LPXN: variants seen among roughly 807,000 people sequenced by gnomAD.
LPXN encodes the protein leupaxin.
Under a neutral mutation model 45.6 loss-of-function variants are expected in LPXN, and 28 were observed. The observed-to-expected ratio is 0.61, with a 90% CI of 0.45 to 0.84. The LOEUF (loss-of-function observed/expected upper bound fraction) is 0.84, where lower values mean the gene tolerates loss of function less well. Ranked by LOEUF, LPXN falls within the 40% of genes least tolerant of loss-of-function variation. The pLI is 0.00. For missense variants in LPXN, 459 were observed against 475.0 expected, an observed-to-expected ratio of 0.97 and a Z score of 0.31; for synonymous variants, 166 against 169.9, an observed-to-expected ratio of 0.98 and a Z score of 0.18.
intron 7 of LPXN, among the ~76,000 whole-genome samples, chr11:58,549,580 AT>A (rs1428301322): frequency 9.8e-5 from 15 of 152,304 alleles, no homozygotes; most frequent in Middle Eastern, 3.4e-3. Flanking sequence ...TAAACTATGC[AT>A]TTGTATTTCT....
upstream of LPXN, among the ~76,000 whole-genome samples, chr11:58,576,764 A>G (rs73470723): frequency 0.015 from 2,256 of 152,220 alleles, 70 homozygotes; most frequent in African/African-American, 0.051. Context: ...TCTTTCCTCT[A>G]CAACACCGTA....
chr11:58,563,892 G>T (rs1396757835), intron 3 of LPXN, among the ~76,000 whole-genome samples: 1 of 152,150 alleles, frequency 6.6e-6, no homozygotes, highest in African/African-American at 2.4e-5. Context: ...TGGTAACTCT[G>T]GGAGTATTTA....
intron 2 of LPXN, among the ~76,000 whole-genome samples, chr11:58,565,517 G>A (rs1006873681): frequency 9.3e-5 from 14 of 149,990 alleles, no homozygotes; most frequent in African/African-American, 1.5e-4. Flanking sequence ...CTGGGTGACA[G>A]AGCGAGACTC....
intron 7 of LPXN, among the ~76,000 whole-genome samples, chr11:58,528,711 C>A (rs1360092265): frequency 6.6e-6 from 1 of 152,004 alleles, no homozygotes; most frequent in Non-Finnish European, 1.5e-5. Flanking sequence ...AAAACAGCAT[C>A]TGGGAAGAAA....
At chr11:58,536,325 G>T (rs979642544) in intron 7 of LPXN, among the ~76,000 whole-genome samples, 3 of 151,986 alleles carry the variant, frequency 2.0e-5, no homozygotes, top group African/African-American at 7.3e-5. Context: ...TAGATCAATG[G>T]ACAGAACAAA....
In LPXN at chr11:58,543,242, C is replaced by T. The variant is rs186654949; in HGVS notation, c.742+6544G>A. The stretch of plus-strand genomic sequence containing the variant: ...TATATCCCTAGTACTTTGAATAATG[C>T]TTGACACATATATAGTAGTTGCTCA... On this transcript the variant is annotated intron_variant, in intron 7 of 8. Coordinates refer to ENST00000395074, the MANE Select transcript of LPXN (RefSeq NM_004811.3). Among the ~76,000 whole-genome samples, 14 of 152,278 alleles carry T rather than the reference C, an allele frequency of 9.2e-5. No homozygotes were observed. The East Asian group carries it at 2.5e-3, about 27-fold the overall frequency.
intron 7 of LPXN, among the ~76,000 whole-genome samples, chr11:58,532,741 T>C (rs1219986825): frequency 6.6e-6 from 1 of 152,136 alleles, no homozygotes; most frequent in African/African-American, 2.4e-5. Context: ...ATGCACCAAT[T>C]AGCAAGATGT....
chr11:58,548,646 C>A (rs1853945835), intron 7 of LPXN, among the ~76,000 whole-genome samples: 1 of 152,184 alleles, frequency 6.6e-6, no homozygotes, highest in Non-Finnish European at 1.5e-5. Context: ...ATTAACACTA[C>A]TATACCTCCA....
rs561828634 is a variant in LPXN at position 58,551,982 on chromosome 11, T to G, written c.319-750A>C. ...GGGGCTAGAGCAGAGGGAGTGAGAT[T>G]GAACACGGCAGGAGAAGGTGATGGA... On this transcript the variant is annotated intron_variant, in intron 4 of 8. Coordinates refer to ENST00000395074, the MANE Select transcript of LPXN (RefSeq NM_004811.3). 4.6e-5 allele frequency among the ~76,000 whole-genome samples: 7 copies of G among 152,272 alleles called. 1 individual carries two copies. The South Asian group carries it at 1.2e-3, about 27-fold the overall frequency.
At position 58,560,948 on chromosome 11, in the gene LPXN, A is replaced by G. The variant is rs1300554427; in HGVS notation, c.218+3207T>C. ...TCATTATTATAATCAATACTGCCAA[A>G]CAAATATTTGCACCCATGTTTGATC... On this transcript the variant is annotated intron_variant, in intron 3 of 8. Transcript: ENST00000395074. Among the ~76,000 whole-genome samples the G allele has an allele frequency of 3.3e-5, 5 of 152,322 alleles. No homozygotes were observed. The East Asian group carries it at 9.6e-4, about 29-fold the overall frequency.
At chr11:58,553,321 G>A (rs1208101842) in intron 4 of LPXN, among the ~76,000 whole-genome samples, 3 of 116,878 alleles carry the variant, frequency 2.6e-5, no homozygotes, top group Non-Finnish European at 5.0e-5. Flanking sequence ...GGGTAACCGA[G>A]TAAGAATCTG....
At chr11:58,538,042 G>A (rs1007150729) in intron 7 of LPXN, among the ~76,000 whole-genome samples, 4 of 151,144 alleles carry the variant, frequency 2.6e-5, no homozygotes, top group East Asian at 3.9e-4. Context: ...TTGTCCTTGC[G>A]ATAGTTTACT....
chr11:58,547,642 T>C (rs1227719146), intron 7 of LPXN, among the ~76,000 whole-genome samples: 1 of 152,180 alleles, frequency 6.6e-6, no homozygotes, highest in Non-Finnish European at 1.5e-5. Context: ...GCCATACCCC[T>C]GTCCTCGCCT....
At chr11:58,564,565 A>G (rs1343573096) in intron 2 of LPXN, among the ~76,000 whole-genome samples, 2 of 152,232 alleles carry the variant, frequency 1.3e-5, no homozygotes, top group Non-Finnish European at 2.9e-5. Flanking sequence ...TAATGTTATT[A>G]AACTTGACAT....
intron 2 of LPXN, 68 bp downstream of exon 2, chr11:58,570,488 G>C (rs1854656627): frequency 8.5e-7 from 1 of 1,175,500 alleles, no homozygotes; most frequent in African/African-American, 1.5e-5. Context: ...TTTTATGTGG[G>C]ATTCTGTTAA....
intron 7 of LPXN, among the ~76,000 whole-genome samples, chr11:58,547,648 C>T (rs1472394582): frequency 3.3e-5 from 5 of 152,126 alleles, no homozygotes; most frequent in Admixed American, 6.5e-5. Context: ...CCCCTGTCCT[C>T]GCCTCCTGCA....
intron 7 of LPXN, among the ~76,000 whole-genome samples, chr11:58,544,042 G>A (rs534045308): frequency 5.3e-5 from 8 of 152,138 alleles, no homozygotes; most frequent in African/African-American, 1.7e-4. Context: ...GAATTTTGAG[G>A]CCTACAGATC....
intron 7 of LPXN, among the ~76,000 whole-genome samples, chr11:58,543,666 A>G (rs1853796330): frequency 6.6e-6 from 1 of 151,836 alleles, no homozygotes; most frequent in African/African-American, 2.4e-5. Flanking sequence ...GCCTAACTTC[A>G]AAGCCTAACT....
chr11:58,564,116 A>G, intron 3 of LPXN, 39 bp downstream of exon 3: 2 of 1,268,550 alleles, frequency 1.6e-6, no homozygotes, highest in South Asian at 2.6e-5. Flanking sequence ...TTATCTACTA[A>G]CTTTAATTTT....
Sources: gnomAD v4.1 joint callset for allele counts (sites outside exome capture counted in the v4.1 genomes callset) on GRCh38, gnomAD v4.1.1 for gene constraint, MANE v1.5 for transcripts, NCBI Gene and HGNC (gene_info 2026-07-23, HGNC 2026-07-21) for gene names.